BIRC6: variants seen among roughly 807,000 people sequenced by gnomAD.
BIRC6 encodes the protein baculoviral IAP repeat containing 6.
BIRC6 carries 98 observed loss-of-function variants against 503.3 expected under a neutral mutation model. That is an observed-to-expected ratio of 0.19 (90% CI 0.17 to 0.23). The LOEUF is 0.23. Among genes scored for constraint, BIRC6 ranks in the 10% least tolerant of loss-of-function variants. The pLI, the probability that BIRC6 is intolerant of heterozygous loss-of-function variation, is 1.00. For synonymous variants in BIRC6, 2,240 were observed against 2,078.7 expected (o/e 1.08, Z -2.11); for missense variants, 5,360 against 5,806.0 (o/e 0.92, Z 2.50).
At chr2:32,479,965 T>C (rs1349469678) in intron 37 of BIRC6, among the ~76,000 whole-genome samples, 1 of 152,152 alleles carries the variant, frequency 6.6e-6, no homozygotes, top group Non-Finnish European at 1.5e-5. Context: ...TATTTTTTTC[T>C]TACTTTTTCT....
At chr2:32,582,052 T>C (rs185130082) in intron 66 of BIRC6, among the ~76,000 whole-genome samples, 10 of 151,998 alleles carry the variant, frequency 6.6e-5, no homozygotes, top group African/African-American at 2.4e-4. Context: ...AGAGAGGGGG[T>C]TTCACCGTGT....
At position 32,439,583 on chromosome 2, in the gene BIRC6, G is replaced by A. The variant is rs1355529370; in HGVS notation, c.3707G>A (p.Cys1236Tyr). The A allele has an allele frequency of 2.5e-6, 4 of 1,613,708 alleles. No homozygotes were observed. Among genetic ancestry groups the A allele is most frequent in the Admixed American group, 3.3e-5 (2 of 59,990 alleles). ...AATGAAAGAGGAACAGAAGAGATTTGTAATGGTGGTATGCGTCCTGTAGTA... is the reference window on the plus strand; with the variant it reads ...AATGAAAGAGGAACAGAAGAGATTTATAATGGTGGTATGCGTCCTGTAGTA... ...AVNERGTEEI[C>Y]NGGMRPVVRL... Residue 1236 changes from cysteine (C) to tyrosine (Y), a missense_variant, in exon 16 of 74, where the codon TGT becomes TAT. This residue lies in a region of BIRC6 where 2,299 missense variants were observed against 2,267.2 expected (regional missense o/e 1.01). Transcript: ENST00000421745.
intron 44 of BIRC6, among the ~76,000 whole-genome samples, chr2:32,491,786 A>G (rs930279876): frequency 6.6e-6 from 1 of 152,192 alleles, no homozygotes; most frequent in Non-Finnish European, 1.5e-5. Context: ...ATATAGATAC[A>G]TATTTTTGGC....
At chr2:32,508,305 G>A (rs1439014409) in intron 51 of BIRC6, 46 bp downstream of exon 51, 33 of 994,256 alleles carry the variant, frequency 3.3e-5, no homozygotes, top group South Asian at 6.6e-5. Flanking sequence ...TTTTTTTTTG[G>A]CATGGTTGGG....
Position 32,465,009 on chromosome 2 carries a change from A to G in BIRC6, c.5257-56A>G, listed in dbSNP as rs1395737458. On this transcript the variant is annotated intron_variant, in intron 25 of 73. Coordinates refer to ENST00000421745, the MANE Select transcript of BIRC6 (RefSeq NM_016252.4). ...TTTGCTATTATGGTTAGTAGTTTTT[A>G]TAGAACTATAGTAATATCAATATAA... 8 of 1,331,862 alleles carry G rather than the reference A, an allele frequency of 6.0e-6. No homozygotes were observed. In the African/African-American group the frequency reaches 1.0e-4, roughly 17 times the overall value. The allele number at this position is 1,331,862 out of a possible 1,614,324, so 82.5% of individuals were successfully genotyped here.
At position 32,442,185 on chromosome 2, in the gene BIRC6, T is replaced by C. The variant is rs371945358; in HGVS notation, c.4065T>C (p.Thr1355=). The C allele has an allele frequency of 1.4e-5, 22 of 1,609,296 alleles. No homozygotes were observed. The East Asian group carries it at 2.2e-4, about 16-fold the overall frequency. The change falls in exon 18 of 74, where the codon ACT becomes ACC. Residue 1355 remains threonine (T), a synonymous_variant. Transcript: ENST00000421745. ...ATGCCCAGAGCCTTGTGTTGGATACTCTCTGTTGGTTAGCTGGAGTTCATT... is the reference window on the plus strand; with the variant it reads ...ATGCCCAGAGCCTTGTGTTGGATACCCTCTGTTGGTTAGCTGGAGTTCATT... ...TEHAQSLVLD[T]LCWLAGVHSN...
intron 9 of BIRC6, among the ~76,000 whole-genome samples, chr2:32,412,848 A>C (rs143814487): frequency 6.6e-6 from 1 of 152,302 alleles, no homozygotes; most frequent in East Asian, 1.9e-4. Flanking sequence ...CATAAGTAGT[A>C]TTCTCTCTTT....
chr2:32,499,519 TTCTG>T (rs1378639475), intron 45 of BIRC6, 24 bp from the exon 46 acceptor site: 2 of 1,491,934 alleles, frequency 1.3e-6, no homozygotes, highest in Non-Finnish European at 1.8e-6. Flanking sequence ...CTCTCTCTTT[TTCTG>T]TCTCTCTCTC....
At chr2:32,477,337 T>TTAA in intron 34 of BIRC6, 31 bp from the exon 35 acceptor site, 2 of 1,593,048 alleles carry the variant, frequency 1.3e-6, no homozygotes, top group South Asian at 2.3e-5. Context: ...AAGTAAACAT[T>TTAA]GATTTAAACA....
intron 55 of BIRC6, among the ~76,000 whole-genome samples, chr2:32,516,520 A>C (rs1468056040): frequency 6.6e-6 from 1 of 151,620 alleles, no homozygotes; most frequent in African/African-American, 2.4e-5. Context: ...TGTCTCAAAA[A>C]AAAAAAAAAA....
At chr2:32,517,912 A>G (rs1028205593) in intron 55 of BIRC6, among the ~76,000 whole-genome samples, 1 of 152,066 alleles carries the variant, frequency 6.6e-6, no homozygotes, top group Admixed American at 6.5e-5. Context: ...CATAATTTTT[A>G]TTTTAAGATA....
At chr2:32,487,580 ATG>A in intron 40 of BIRC6, 65 bp from the exon 41 acceptor site, 1 of 1,406,796 alleles carries the variant, frequency 7.1e-7, no homozygotes, top group Non-Finnish European at 9.9e-7. Context: ...ATTTATACAT[ATG>A]AATAACCAGT....
intron 1 of BIRC6, among the ~76,000 whole-genome samples, chr2:32,360,368 G>A (rs2033868905): frequency 6.6e-6 from 1 of 152,128 alleles, no homozygotes; most frequent in South Asian, 2.1e-4. Context: ...CAGTTTAACT[G>A]GATTAAGAGC....
Position 32,477,464 on chromosome 2 carries a change from G to C in BIRC6, c.6949G>C (p.Glu2317Gln), listed in dbSNP as rs765298797. ...VTTAKESPEI[E>Q]PLPFTLAHER... is the part of the protein sequence containing the mutation. ...AACAGCAAAAGAAAGTCCTGAGATA[G>C]AACCACTTCCATTTACTCTGGCCCA... Residue 2317 changes from glutamate (E) to glutamine (Q), a missense_variant, in exon 35 of 74, where the codon GAA becomes CAA. By Grantham distance (29) the Glu-to-Gln change is conservative. Coordinates refer to ENST00000421745, the MANE Select transcript of BIRC6 (RefSeq NM_016252.4). The C allele has an allele frequency of 6.2e-7, 1 of 1,613,972 alleles. No homozygotes were observed. Among genetic ancestry groups the C allele is most frequent in the Non-Finnish European group, 8.5e-7 (1 of 1,179,878 alleles).
chr2:32,421,499 T>G (rs962305815), intron 10 of BIRC6, among the ~76,000 whole-genome samples: 1 of 152,214 alleles, frequency 6.6e-6, no homozygotes. Flanking sequence ...ACTGTCTTAG[T>G]GATACCTCCT....
At chr2:32,605,031 C>G (rs2151601510) in intron 71 of BIRC6, among the ~76,000 whole-genome samples, 1 of 152,046 alleles carries the variant, frequency 6.6e-6, no homozygotes, top group Middle Eastern at 3.4e-3. Flanking sequence ...CACAGACATG[C>G]ACCACCACAC....
In BIRC6 at chr2:32,604,322, C is replaced by T. The variant is rs551935929; in HGVS notation, c.14070+1239C>T. ...GATTTTTTTAAAAGAGGAAATCCTTCATGCCAAGGGTTTACTGTTTCTCTG... is the reference window on the plus strand; with the variant it reads ...GATTTTTTTAAAAGAGGAAATCCTTTATGCCAAGGGTTTACTGTTTCTCTG... On this transcript the variant is annotated intron_variant, in intron 71 of 73. Transcript: ENST00000421745. 4.3e-4 allele frequency among the ~76,000 whole-genome samples: 65 copies of T among 152,242 alleles called. 2 individuals are homozygous for T. The South Asian group carries it at 0.013, about 31-fold the overall frequency.
At chr2:32,372,789 C>A (rs1253433766) in intron 1 of BIRC6, among the ~76,000 whole-genome samples, 1 of 151,818 alleles carries the variant, frequency 6.6e-6, no homozygotes, top group Non-Finnish European at 1.5e-5. Flanking sequence ...GTGATTTCGC[C>A]ACTATATTCC....
chr2:32,508,275 CCT>C lies in BIRC6; in HGVS notation c.9980+17_9980+18del, dbSNP rs2054005691. On this transcript the variant is annotated intron_variant, in intron 51 of 73. Coordinates refer to ENST00000421745, the MANE Select transcript of BIRC6 (RefSeq NM_016252.4). ...CCAAAACAAGGTATGTTTTGTTTGTCCTTTTTTTTTTTTTTTTTTTTTTTTTT... is the reference window on the plus strand; with the variant it reads ...CCAAAACAAGGTATGTTTTGTTTGTCTTTTTTTTTTTTTTTTTTTTTTTTT... 46 of 577,722 alleles carry C rather than the reference CCT, an allele frequency of 8.0e-5. No homozygotes were observed. The highest frequency in any genetic ancestry group is 7.7e-4 in the South Asian group (14 of 18,126). The allele number at this position is 577,722 out of a possible 1,614,324, so 35.8% of individuals were successfully genotyped here.
Sources: allele counts gnomAD v4.1 joint callset (sites outside exome capture counted in the v4.1 genomes callset), GRCh38; gene constraint gnomAD v4.1.1; regional missense constraint gnomAD v4.1.1; transcripts MANE v1.5; gene names NCBI Gene and HGNC (gene_info 2026-07-23, HGNC 2026-07-21).